The following RARB variants were observed in gnomAD, a reference collection of about 807,000 sequenced individuals.
The protein encoded by RARB is retinoic acid receptor beta.
In RARB, 17 loss-of-function variants were observed where a neutral mutation model predicts 51.9. That is an observed-to-expected ratio of 0.33 (90% CI 0.22 to 0.49). RARB has a LOEUF of 0.49. Ranked by LOEUF, RARB falls within the 20% of genes least tolerant of loss-of-function variation. RARB has a pLI of 0.99. For missense variants in RARB, 369 were observed against 550.8 expected (o/e 0.67, Z 3.30); for synonymous variants, 215 against 195.4 (o/e 1.10, Z -0.84).
intron 2 of RARB, among the ~76,000 whole-genome samples, chr3:24,903,507 A>C (rs1482067487): frequency 6.6e-6 from 1 of 152,168 alleles, no homozygotes; most frequent in Non-Finnish European, 1.5e-5. Context: ...AATATATTTA[A>C]TATTTTCAAC....
At chr3:25,498,276 G>A (rs749029223) in intron 2 of RARB, among the ~76,000 whole-genome samples, 46 of 151,958 alleles carry the variant, frequency 3.0e-4, no homozygotes, top group African/African-American at 1.1e-3. Context: ...CCCCCTACCC[G>A]CCACACACTC....
chr3:24,870,929 C>T (rs373301816), intron 2 of RARB, among the ~76,000 whole-genome samples: 55 of 152,040 alleles, frequency 3.6e-4, no homozygotes, highest in African/African-American at 1.3e-3. Context: ...ATATACAGTA[C>T]GTTATTGTTG....
intron 5 of RARB, among the ~76,000 whole-genome samples, chr3:25,325,718 T>A (rs1168763448): frequency 8.6e-5 from 13 of 151,514 alleles, no homozygotes; most frequent in Admixed American, 8.6e-4. Flanking sequence ...TGCCACTGGT[T>A]CTTCTCCCTT....
At chr3:24,857,809 C>T (rs1290664672) in intron 1 of RARB, among the ~76,000 whole-genome samples, 3 of 152,136 alleles carry the variant, frequency 2.0e-5, no homozygotes, top group African/African-American at 7.2e-5. Flanking sequence ...GCCTGTGGTT[C>T]CAGCTACTTG....
chr3:25,139,290 TAA>T (rs1168166941), intron 4 of RARB, among the ~76,000 whole-genome samples: 2 of 152,198 alleles, frequency 1.3e-5, no homozygotes, highest in African/African-American at 2.4e-5. Flanking sequence ...GGCTGAAAGC[TAA>T]GTCTCTTGCA....
intron 3 of RARB, among the ~76,000 whole-genome samples, chr3:25,531,605 T>C (rs1698922062): frequency 6.6e-6 from 1 of 152,174 alleles, no homozygotes; most frequent in Non-Finnish European, 1.5e-5. Context: ...GTGAAAATGC[T>C]TGACCAACTG....
intron 1 of RARB, among the ~76,000 whole-genome samples, chr3:25,456,676 TATATATAGAGAGAGAG>T (rs1419934363): frequency 2.0e-4 from 23 of 113,802 alleles, no homozygotes; most frequent in African/African-American, 7.5e-4. Flanking sequence ...TATATATATA[TATATATAGAGAGAGAG>T]AGAGAGAGAG....
intron 2 of RARB, among the ~76,000 whole-genome samples, chr3:25,482,540 T>C (rs1696275278): frequency 8.5e-6 from 1 of 117,320 alleles, no homozygotes; most frequent in African/African-American, 3.6e-5. Context: ...TTTTTTTTTT[T>C]TTTTTTTTTT....
At chr3:25,215,821 C>A (rs1273645369) in intron 5 of RARB, among the ~76,000 whole-genome samples, 1 of 152,124 alleles carries the variant, frequency 6.6e-6, no homozygotes, top group African/African-American at 2.4e-5. Context: ...CTGGAATGTT[C>A]TACAAATGGA....
At chr3:25,386,314 G>T (rs1231162934) in intron 5 of RARB, among the ~76,000 whole-genome samples, 1 of 152,144 alleles carries the variant, frequency 6.6e-6, no homozygotes, top group Non-Finnish European at 1.5e-5. Context: ...GTGGAGAGGG[G>T]TGGGTCACGC....
At chr3:25,381,945 C>A (rs907719089) in intron 5 of RARB, among the ~76,000 whole-genome samples, 6 of 152,204 alleles carry the variant, frequency 3.9e-5, no homozygotes, top group Non-Finnish European at 8.8e-5. Context: ...TAGCCGTCTC[C>A]ATCTCAATCC....
chr3:25,268,713 T>C (rs1703183195), intron 5 of RARB, among the ~76,000 whole-genome samples: 1 of 152,162 alleles, frequency 6.6e-6, no homozygotes, highest in African/African-American at 2.4e-5. Flanking sequence ...ACTTTCTCAT[T>C]TCATTTTGGT....
In RARB at chr3:24,888,294, A is replaced by G. The variant is rs936635665; in HGVS notation, c.-380+29542A>G. Reference sequence around the variant, plus strand: ...TGTGTGCTAAGCAAATGTTTTATATATATTGATTTGTTAAAACCTCATAAC... The same window carrying G: ...TGTGTGCTAAGCAAATGTTTTATATGTATTGATTTGTTAAAACCTCATAAC... On this transcript the variant is annotated intron_variant, in intron 2 of 11. Transcript: ENST00000383772. Among the ~76,000 whole-genome samples, 11 of 152,306 alleles carry G rather than the reference A, an allele frequency of 7.2e-5. No homozygotes were observed. The East Asian group carries it at 1.9e-3, about 27-fold the overall frequency.
intron 5 of RARB, among the ~76,000 whole-genome samples, chr3:25,417,996 T>C (rs1217889921): frequency 6.7e-6 from 1 of 149,390 alleles, no homozygotes; most frequent in Admixed American, 6.6e-5. Flanking sequence ...CTCTCTGGTT[T>C]ATGTAGAGTT....
intron 5 of RARB, among the ~76,000 whole-genome samples, chr3:25,257,656 C>T (rs1055009718): frequency 1.3e-5 from 2 of 152,070 alleles, no homozygotes; most frequent in African/African-American, 4.8e-5. Flanking sequence ...CCAAGTCCTG[C>T]GGTCTACCTG....
At chr3:25,471,426 A>T (rs926542315) in intron 2 of RARB, among the ~76,000 whole-genome samples, 1 of 152,210 alleles carries the variant, frequency 6.6e-6, no homozygotes, top group Admixed American at 6.5e-5. Flanking sequence ...TTTTCCTAGT[A>T]ATAATTCCTA....
intron 2 of RARB, among the ~76,000 whole-genome samples, chr3:25,485,337 C>T (rs190271705): frequency 6.6e-6 from 1 of 152,320 alleles, no homozygotes; most frequent in Admixed American, 6.5e-5. Flanking sequence ...AATCCTCAGA[C>T]CCCAGAGGAA....
At chr3:24,989,374 G>A (rs1325779177) in intron 2 of RARB, among the ~76,000 whole-genome samples, 1 of 152,156 alleles carries the variant, frequency 6.6e-6, no homozygotes, top group African/African-American at 2.4e-5. Flanking sequence ...CTTGAAAGTA[G>A]GAATTGTTGT....
At chr3:25,209,064 G>T (rs548311963) in intron 5 of RARB, among the ~76,000 whole-genome samples, 1 of 152,190 alleles carries the variant, frequency 6.6e-6, no homozygotes, top group Non-Finnish European at 1.5e-5. Context: ...GGCTGAAGAC[G>T]TGTCACCTAT....
Sources: gnomAD v4.1 joint callset for allele counts (sites outside exome capture counted in the v4.1 genomes callset) on GRCh38, gnomAD v4.1.1 for gene constraint, MANE v1.5 for transcripts, NCBI Gene and HGNC (gene_info 2026-07-23, HGNC 2026-07-21) for gene names.